The following DIP2A variants were observed in gnomAD, a reference collection of about 807,000 sequenced individuals.
DIP2A encodes DIP2 acetate--CoA ligase A.
A neutral mutation model predicts 177.4 loss-of-function variants in DIP2A; 85 were observed. That is an observed-to-expected ratio of 0.48 (90% CI 0.40 to 0.57). DIP2A has a LOEUF of 0.57. Among genes scored for constraint, DIP2A ranks in the 20% least tolerant of loss-of-function variants. DIP2A has a pLI of 0.00. For synonymous variants in DIP2A, 886 were observed against 881.8 expected (o/e 1.00, Z -0.08); for missense variants, 1,791 against 2,100.2 (o/e 0.85, Z 2.88).
rs539694894 is a variant in DIP2A at position 46,557,890 on chromosome 21, G to A, written c.3798+137G>A. On this transcript the variant is annotated intron_variant, in intron 31 of 37. Transcript: ENST00000417564. The surrounding 1 kb of genome is among the most constrained non-coding windows in gnomAD (Gnocchi z 6.0). The stretch of plus-strand genomic sequence containing the variant: ...GTAGAGAAAACCCTTTCCCACTAGG[G>A]GCCCTATGTACACATCTGTCCTCCC... 4.5e-6 allele frequency: 5 copies of A among 1,118,496 alleles called. No individual in the cohort carries two copies. In the East Asian group the frequency reaches 1.0e-4, roughly 23 times the overall value. The allele number at this position is 1,118,496 out of a possible 1,614,324, so 69.3% of individuals were successfully genotyped here.
chr21:46,481,685 TTG>T (rs2056351254), intron 1 of DIP2A, among the ~76,000 whole-genome samples: 3 of 152,338 alleles, frequency 2.0e-5, no homozygotes, highest in Admixed American at 6.5e-5. Flanking sequence ...CATTATGGTT[TTG>T]TGTTTCCTAA....
At chr21:46,506,723 TTTTTCTTTCTTTCTTTCTTTC>T (rs201991912) in intron 6 of DIP2A, among the ~76,000 whole-genome samples, 22,081 of 59,620 alleles carry the variant, frequency 0.37, 2,974 homozygotes, top group East Asian at 0.57. Context: ...ATTGTGCTTG[TTTTTCTTTCTTTCTTTCTTTC>T]TTTCTTTCTT....
chr21:46,533,397 T>C, intron 10 of DIP2A, 127 bp from the exon 11 acceptor site: 2 of 1,149,744 alleles, frequency 1.7e-6, no homozygotes, highest in Non-Finnish European at 1.2e-6. Flanking sequence ...TGGGACTGAA[T>C]TATTCTGGAA....
intron 8 of DIP2A, among the ~76,000 whole-genome samples, chr21:46,519,868 T>C (rs1471395611): frequency 2.2e-5 from 2 of 90,644 alleles, no homozygotes; most frequent in Non-Finnish European, 4.7e-5. Context: ...TTTTTTTTTT[T>C]TTTTTTTTTT....
rs1569043246 is a variant in DIP2A at position 46,528,568 on chromosome 21, T to TTTTTTTTTTTTTTTTTTTTTTTTA, written c.1103-524_1103-523insTTTTTTTTTTTTTTTTTTTTTTTA. ...TTTTTTTTTTTTTTTTTTTTTTTTT[T>TTTTTTTTTTTTTTTTTTTTTTTTA]AGATAATGTCTTTATTGCCCAGGCT... On this transcript the variant is annotated intron_variant, in intron 8 of 37. Coordinates refer to ENST00000417564, the MANE Select transcript of DIP2A (RefSeq NM_015151.4). Among the ~76,000 whole-genome samples the TTTTTTTTTTTTTTTTTTTTTTTTA allele has an allele frequency of 5.5e-5, 5 of 90,576 alleles. 2 individuals carry two copies. Among genetic ancestry groups the TTTTTTTTTTTTTTTTTTTTTTTTA allele is most frequent in the Non-Finnish European group, 1.2e-4 (5 of 42,836 alleles). 59.4% of individuals were successfully genotyped at this position (90,576 alleles called of 152,430 possible).
In DIP2A at chr21:46,517,082, G is replaced by C. The variant is rs1030303718; in HGVS notation, c.1102+5468G>C. 4.6e-3 allele frequency among the ~76,000 whole-genome samples: 80 copies of C among 17,252 alleles called. 1 individual carries two copies. The highest frequency in any genetic ancestry group is 0.012 in the African/African-American group (80 of 6,486). The allele number at this position is 17,252 out of a possible 152,430, so 11.3% of individuals were successfully genotyped here. A position where few individuals can be genotyped will look rare whatever the true frequency, so the allele number is the denominator to read the frequency against. Reference sequence around the variant, plus strand: ...TTTTTTTTTTTTTTTTTTTTTTTTTGAGACAGAGTCTTGCTCTGTTGCCCA... The same window carrying C: ...TTTTTTTTTTTTTTTTTTTTTTTTTCAGACAGAGTCTTGCTCTGTTGCCCA... On this transcript the variant is annotated intron_variant, in intron 8 of 37. Transcript: ENST00000417564.
At chr21:46,550,946 C>T (rs2060250422) in intron 23 of DIP2A, among the ~76,000 whole-genome samples, 1 of 152,244 alleles carries the variant, frequency 6.6e-6, no homozygotes, top group Admixed American at 6.5e-5. Flanking sequence ...GGGAACTTAA[C>T]CACATCACCT....
chr21:46,565,644 A>T, intron 35 of DIP2A, 69 bp from the exon 36 acceptor site: 1 of 1,461,536 alleles, frequency 6.8e-7, no homozygotes, highest in Non-Finnish European at 9.3e-7. Flanking sequence ...TGGCCAGTGG[A>T]TGTCTCGTGA....
At chr21:46,564,162 C>A (rs1263977789) in intron 35 of DIP2A, among the ~76,000 whole-genome samples, 1 of 152,214 alleles carries the variant, frequency 6.6e-6, no homozygotes, top group Non-Finnish European at 1.5e-5. Context: ...GAGGGGAACC[C>A]CTAGGTTTGA....
At chr21:46,562,712 T>A (rs2060707301) in intron 34 of DIP2A, among the ~76,000 whole-genome samples, 1 of 152,160 alleles carries the variant, frequency 6.6e-6, no homozygotes, top group African/African-American at 2.4e-5. Context: ...CACATGCAGG[T>A]GCAGGGGCTT....
intron 8 of DIP2A, among the ~76,000 whole-genome samples, chr21:46,513,691 A>G (rs1475932250): frequency 3.3e-5 from 5 of 152,182 alleles, no homozygotes; most frequent in Non-Finnish European, 5.9e-5. Context: ...AGCATCCCAA[A>G]TATGAAAATC....
chr21:46,561,237 G>A (rs2060653271), intron 33 of DIP2A: 1 of 273,082 alleles, frequency 3.7e-6, no homozygotes, highest in Non-Finnish European at 7.0e-6. Context: ...ACAGATAGAA[G>A]ACAAGTTATC....
Position 46,558,404 on chromosome 21 carries a change from T to TA in DIP2A, c.3969+11_3969+12insA, listed in dbSNP as rs199568604. On this transcript the variant is annotated intron_variant, in intron 32 of 37. Transcript: ENST00000417564. Reference sequence around the variant, plus strand: ...GCCATCTGCCTCCAGGTGAGGTGCCTGGGGCTGCGGTTCTCGAAAGCTGGC... The same window carrying TA: ...GCCATCTGCCTCCAGGTGAGGTGCCTAGGGGCTGCGGTTCTCGAAAGCTGGC... 1.4e-6 allele frequency: 2 copies of TA among 1,426,266 alleles called. No homozygotes were observed. Among genetic ancestry groups the TA allele is most frequent in the South Asian group, 1.2e-5 (1 of 81,774 alleles). 88.4% of individuals were successfully genotyped at this position (1,426,266 alleles called of 1,614,324 possible). A position where few individuals can be genotyped will look rare whatever the true frequency, so the allele number is the denominator to read the frequency against.
intron 1 of DIP2A, among the ~76,000 whole-genome samples, chr21:46,478,276 G>C (rs1024411400): frequency 6.6e-6 from 1 of 151,376 alleles, no homozygotes; most frequent in Non-Finnish European, 1.5e-5. Flanking sequence ...GCAATGGCGC[G>C]ATCCCGGCTC....
chr21:46,537,646 TAGGCTGAAGAG>T lies in DIP2A; in HGVS notation c.1801+108_1801+118del. On this transcript the variant is annotated intron_variant, in intron 15 of 37. Coordinates refer to ENST00000417564, the MANE Select transcript of DIP2A (RefSeq NM_015151.4). The surrounding 1 kb of genome is among the most constrained non-coding windows in gnomAD (Gnocchi z 4.1). ...AAGCTGACATGTGGAACTGCAGATG[TAGGCTGAAGAG>T]CTGTGGGACGTCTTTCTTGGTCACA... 9.2e-7 allele frequency: 1 copy of T among 1,085,438 alleles called. No individual in the cohort carries two copies. Among genetic ancestry groups the T allele is most frequent in the South Asian group, 1.4e-5 (1 of 69,346 alleles). The allele number at this position is 1,085,438 out of a possible 1,614,324, so 67.2% of individuals were successfully genotyped here.
At chr21:46,475,514 T>C (rs1478380935) in intron 1 of DIP2A, among the ~76,000 whole-genome samples, 1 of 152,244 alleles carries the variant, frequency 6.6e-6, no homozygotes, top group East Asian at 1.9e-4. Flanking sequence ...CTCTGGTCCT[T>C]GGAAAGTGCA....
At chr21:46,493,579 A>G (rs1018269696) in intron 3 of DIP2A, among the ~76,000 whole-genome samples, 1 of 151,986 alleles carries the variant, frequency 6.6e-6, no homozygotes, top group Non-Finnish European at 1.5e-5. Flanking sequence ...CTTCAAAACT[A>G]TTGCTTTTTT....
chr21:46,576,650 T>C, the DIP2A span, among the ~76,000 whole-genome samples: 1 of 152,200 alleles, frequency 6.6e-6, no homozygotes, highest in Admixed American at 6.5e-5. Context: ...AGTAACGGGA[T>C]TGCTGGGTCA....
Position 46,566,240 on chromosome 21 carries a change from G to GT in DIP2A, c.4340-319dup, listed in dbSNP as rs2060834001. 3.9e-5 allele frequency among the ~76,000 whole-genome samples: 6 copies of GT among 152,312 alleles called. No individual in the cohort carries two copies. In the South Asian group the frequency reaches 1.2e-3, roughly 32 times the overall value. ...TTGTGGTCAATGTCCAGAGGACTCT[G>GT]TGCAGCCACCACAAGCTGGCCAGAT... On this transcript the variant is annotated intron_variant, in intron 36 of 37. Coordinates refer to ENST00000417564, the MANE Select transcript of DIP2A (RefSeq NM_015151.4).
Sources: allele counts gnomAD v4.1 joint callset (sites outside exome capture counted in the v4.1 genomes callset), GRCh38; gene constraint gnomAD v4.1.1; non-coding constraint Gnocchi (gnomAD v3.1); transcripts MANE v1.5; gene names NCBI Gene and HGNC (gene_info 2026-07-23, HGNC 2026-07-21).